NIBAN3: variants seen among roughly 807,000 people sequenced by gnomAD.
NIBAN3 encodes the protein niban apoptosis regulator 3, also known as protein Niban 3.
Under a neutral mutation model 76.4 loss-of-function variants are expected in NIBAN3, and 66 were observed. The ratio of observed to expected loss-of-function variants is 0.86; its 90% CI spans 0.71 to 1.06. The LOEUF is 1.06. NIBAN3 is among the 50% of genes least tolerant of loss of function. NIBAN3 has a pLI of 0.00. For missense variants in NIBAN3, 808 were observed against 810.7 expected, an observed-to-expected ratio of 1.00 and a Z score of 0.04; for synonymous variants, 360 against 355.2, an observed-to-expected ratio of 1.01 and a Z score of -0.15.
rs951569549 is a variant in NIBAN3 at position 17,527,292 on chromosome 19, G to A, written c.-49G>A. The A allele has an allele frequency of 1.3e-6, 2 of 1,550,780 alleles. No homozygotes were observed. Among genetic ancestry groups the A allele is most frequent in the East Asian group, 2.4e-5 (1 of 40,906 alleles). ...AGGTGCCCCTGAGCCGAGGAACGCAGGCGGTGGTCGTGGGGAAGGGAAGAG... is the reference window on the plus strand; with the variant it reads ...AGGTGCCCCTGAGCCGAGGAACGCAAGCGGTGGTCGTGGGGAAGGGAAGAG... On this transcript the variant is annotated 5_prime_UTR_variant, in exon 1 of 15. Transcript: ENST00000599164.
At position 17,539,588 on chromosome 19, in the gene NIBAN3, G is replaced by A. The variant is rs764576998; in HGVS notation, c.817-15G>A. 13 of 1,525,504 alleles carry A rather than the reference G, an allele frequency of 8.5e-6. No homozygotes were observed. Among genetic ancestry groups the A allele is most frequent in the African/African-American group, 1.4e-5 (1 of 72,074 alleles). 94.5% of individuals were successfully genotyped at this position (1,525,504 alleles called of 1,614,324 possible). On this transcript the variant is annotated splice_polypyrimidine_tract_variant and intron_variant, in intron 7 of 14. Coordinates refer to ENST00000599164, the MANE Select transcript of NIBAN3 (RefSeq NM_001321827.2). ...CCGTGTCTCGGCTTTGTCCCCCCTC[G>A]ACCGGTCTGGGCAGCTTCTAGACGC... is the stretch of plus-strand genomic sequence containing the variant.
At position 17,552,102 on chromosome 19, in the gene NIBAN3, T is replaced by C; in HGVS notation, c.*204T>C. ...TTAATTTTTTTTTTTTTTTTGAGAC[T>C]GAGTCTTGCTCTGTCACCCGGGCTG... On this transcript the variant is annotated 3_prime_UTR_variant, in exon 15 of 15. Coordinates refer to ENST00000599164, the MANE Select transcript of NIBAN3 (RefSeq NM_001321827.2). The C allele has an allele frequency of 3.0e-6, 1 of 330,436 alleles. No individual in the cohort carries two copies. The highest frequency in any genetic ancestry group is 5.5e-6 in the Non-Finnish European group (1 of 182,288). 20.5% of individuals were successfully genotyped at this position (330,436 alleles called of 1,614,324 possible).
chr19:17,539,006 G>T, intron 5 of NIBAN3, 144 bp from the exon 6 acceptor site: 1 of 655,058 alleles, frequency 1.5e-6, no homozygotes, highest in Non-Finnish European at 2.6e-6. Flanking sequence ...TGTGTTCCCT[G>T]TGGAGGGCAT....
At chr19:17,546,974 C>A (rs930742599) in intron 13 of NIBAN3, among the ~76,000 whole-genome samples, 177 bp downstream of exon 13, 8 of 152,132 alleles carry the variant, frequency 5.3e-5, no homozygotes, top group Non-Finnish European at 7.3e-5. Context: ...GGGATGGATA[C>A]TCTCTGAAGG....
In NIBAN3 at chr19:17,539,643, C is replaced by T; in HGVS notation, c.857C>T (p.Ser286Phe). The change falls in exon 8 of 15, where the codon TCC (serine) becomes TTC (phenylalanine). Residue 286 changes from serine to phenylalanine, a missense_variant. Physicochemically the swap from Ser to Phe is radical, Grantham distance 155 (BLOSUM62 -2). Coordinates refer to ENST00000599164, the MANE Select transcript of NIBAN3 (RefSeq NM_001321827.2). Reference sequence around the variant, plus strand: ...CACGCAGCTGTCCTGGCCGGGGCCTCCGCCGGGCTCTGCGCCTTCCAGCCC... The same window carrying T: ...CACGCAGCTGTCCTGGCCGGGGCCTTCGCCGGGCTCTGCGCCTTCCAGCCC... ...AVHAAVLAGA[S>F]AGLCAFQPEK... 4 of 1,569,768 alleles carry T rather than the reference C, an allele frequency of 2.5e-6. No individual in the cohort carries two copies. The highest frequency in any genetic ancestry group is 3.5e-6 in the Non-Finnish European group (4 of 1,156,750).
chr19:17,543,192 A>G, intron 10 of NIBAN3, 125 bp from the exon 11 acceptor site: 1 of 643,286 alleles, frequency 1.6e-6, no homozygotes, highest in Non-Finnish European at 2.8e-6. Context: ...GACAAGGAGG[A>G]GGAGGTTGGG....
chr19:17,542,280 G>C lies in NIBAN3; in HGVS notation c.1315G>C (p.Asp439His). 6.2e-7 allele frequency: 1 copy of C among 1,610,592 alleles called. No individual in the cohort carries two copies. The highest frequency in any genetic ancestry group is 8.5e-7 in the Non-Finnish European group (1 of 1,178,336). Residue 439 changes from aspartate (D) to histidine (H), a missense_variant, in exon 10 of 15, where the codon GAT becomes CAT. Transcript: ENST00000599164. This position sits in a 1 kb window ranked among gnomAD's most constrained non-coding sequence, Gnocchi z 4.8. Reference sequence around the variant, plus strand: ...GCAGAGCCTCGTGTTTGGGGCCCAAGATCTTGCACAGCAGGTGAGGGTGAG... The same window carrying C: ...GCAGAGCCTCGTGTTTGGGGCCCAACATCTTGCACAGCAGGTGAGGGTGAG... ...GMQSLVFGAQ[D>H]LAQQLMADAV...
Position 17,551,981 on chromosome 19 carries a change from AG to A in NIBAN3, c.*85del, listed in dbSNP as rs376907514. 1,131 of 656,606 alleles carry A rather than the reference AG, an allele frequency of 1.7e-3. 15 individuals carry two copies. The African/African-American group carries it at 0.018, about 11-fold the overall frequency. 40.7% of individuals were successfully genotyped at this position (656,606 alleles called of 1,614,324 possible). ...GGGCCAAAACGGATGTGCCATCTTT[AG>A]GCTTTTGTAACCCCTGCAACTTCAG... is the stretch of plus-strand genomic sequence containing the variant. On this transcript the variant is annotated 3_prime_UTR_variant, in exon 15 of 15. Transcript: ENST00000599164.
chr19:17,533,256 A>C (rs1472571211), intron 3 of NIBAN3, among the ~76,000 whole-genome samples: 2 of 152,058 alleles, frequency 1.3e-5, no homozygotes, highest in Non-Finnish European at 2.9e-5. Flanking sequence ...TTAAAAATAC[A>C]AAAATTAGCC....
At chr19:17,551,745 C>T (rs2076159844) in intron 14 of NIBAN3, 41 bp from the exon 15 acceptor site, 2 of 735,690 alleles carry the variant, frequency 2.7e-6, no homozygotes, top group Non-Finnish European at 2.6e-6. Flanking sequence ...AGGCATCTGA[C>T]ACATCTGATT....
At chr19:17,539,294 A>G (rs2075890260) in intron 6 of NIBAN3, 29 bp downstream of exon 6, 1 of 1,567,578 alleles carries the variant, frequency 6.4e-7, no homozygotes, top group Admixed American at 1.9e-5. Flanking sequence ...CGCACCCGGG[A>G]CCCCCAGGAC....
chr19:17,551,872 C>T lies in NIBAN3; in HGVS notation c.1837C>T (p.Pro613Ser). ...GAQIQPLCPP[P>S]SPGTFRS is the part of the protein sequence containing the mutation. ...CCAGATCCAGCCACTCTGCCCACCG[C>T]CTTCTCCAGGAACATTCCGGAGCTG... The change falls in exon 15 of 15, where the codon CCT (proline) becomes TCT (serine). Residue 613 changes from proline (P) to serine (S), a missense_variant. Physicochemically the swap from Pro to Ser is moderately conservative, Grantham distance 74. Transcript: ENST00000599164. 1.3e-6 allele frequency: 1 copy of T among 779,970 alleles called. No individual in the cohort carries two copies. The highest frequency in any genetic ancestry group is 1.3e-5 in the South Asian group (1 of 74,578). 48.3% of individuals were successfully genotyped at this position (779,970 alleles called of 1,614,324 possible).
At chr19:17,526,376 C>T (rs1366625652), upstream of NIBAN3, among the ~76,000 whole-genome samples, 1 of 151,864 alleles carries the variant, frequency 6.6e-6, no homozygotes, top group African/African-American at 2.4e-5. Context: ...GGTGTGGTGG[C>T]TCATGCCTGT....
In NIBAN3 at chr19:17,542,392, C is replaced by G; in HGVS notation, c.1329+98C>G. 3.8e-6 allele frequency: 5 copies of G among 1,319,386 alleles called. No homozygotes were observed. The highest frequency in any genetic ancestry group is 5.2e-6 in the Non-Finnish European group (5 of 967,792). 81.7% of individuals were successfully genotyped at this position (1,319,386 alleles called of 1,614,324 possible). ...CCTGGAGAGACCACGATGATCGAGA[C>G]AACTCCGCGGGGCTGCCAGTCTCAT... is the stretch of plus-strand genomic sequence containing the variant. On this transcript the variant is annotated intron_variant, in intron 10 of 14. Transcript: ENST00000599164. The surrounding 1 kb of genome is among the most constrained non-coding windows in gnomAD (Gnocchi z 4.8).
At chr19:17,544,593 C>T (rs887253077) in intron 12 of NIBAN3, among the ~76,000 whole-genome samples, 2 of 152,350 alleles carry the variant, frequency 1.3e-5, no homozygotes, top group East Asian at 1.9e-4. Context: ...GCAGAGGGCA[C>T]AGCATGTGCA....
chr19:17,553,452 C>T lies in NIBAN3; in HGVS notation c.*1554C>T, dbSNP rs778724060. The T allele has an allele frequency of 8.1e-6, 13 of 1,614,166 alleles. 1 individual carries two copies. In the South Asian group the frequency reaches 1.4e-4, roughly 18 times the overall value. On this transcript the variant is annotated 3_prime_UTR_variant, in exon 15 of 15. Transcript: ENST00000599164. ...CTTGCAGCTGCTTCCGGAGTGGGTT[C>T]CACAGGGATTCCCGTGTGTTCTTGG...
upstream of NIBAN3, among the ~76,000 whole-genome samples, chr19:17,525,375 G>A (rs1321012349): frequency 6.7e-6 from 1 of 150,036 alleles, no homozygotes; most frequent in East Asian, 2.0e-4. Flanking sequence ...TCATGCACAC[G>A]TTTATTCATG....
In NIBAN3 at chr19:17,553,603, C is replaced by G. The variant is rs746079243; in HGVS notation, c.*1705C>G. On this transcript the variant is annotated 3_prime_UTR_variant, in exon 15 of 15. Transcript: ENST00000599164. ...TTCCACCTATTTCCCTCCAACCCCA[C>G]CTTCCGAAATACATTTGCTCAATAC... The G allele has an allele frequency of 9.3e-5, 145 of 1,556,678 alleles. No homozygotes were observed. Among genetic ancestry groups the G allele is most frequent in the Non-Finnish European group, 1.2e-4 (139 of 1,128,678 alleles).
Position 17,539,183 on chromosome 19 carries a change from C to G in NIBAN3, c.629C>G (p.Ala210Gly), listed in dbSNP as rs1162036674. ...LQRSQAPAAR[A>G]FLDAVRLYRQ... Reference sequence around the variant, plus strand: ...CGAAGCCAGGCCCCTGCTGCCCGGGCCTTCCTGGACGCCGTCCGACTCTAC... The same window carrying G: ...CGAAGCCAGGCCCCTGCTGCCCGGGGCTTCCTGGACGCCGTCCGACTCTAC... Residue 210 changes from alanine (A) to glycine (G), a missense_variant, in exon 6 of 15, where the codon GCC (alanine) becomes GGC (glycine). Transcript: ENST00000599164. 1.2e-6 allele frequency: 2 copies of G among 1,603,876 alleles called. No homozygotes were observed. Among genetic ancestry groups the G allele is most frequent in the Admixed American group, 3.4e-5 (2 of 58,886 alleles).
Sources: gnomAD v4.1 joint callset for allele counts (sites outside exome capture counted in the v4.1 genomes callset) on GRCh38, gnomAD v4.1.1 for gene constraint, Gnocchi (gnomAD v3.1) non-coding constraint, MANE v1.5 for transcripts, NCBI Gene and HGNC (gene_info 2026-07-23, HGNC 2026-07-21) for gene names.